The following CACNA1H variants were observed in gnomAD, a reference collection of about 807,000 sequenced individuals.
CACNA1H encodes the protein voltage-dependent T-type calcium channel subunit alpha-1H.
Under a neutral mutation model 192.5 loss-of-function variants are expected in CACNA1H, and 149 were observed. The observed-to-expected ratio is 0.77, with a 90% CI of 0.68 to 0.89. The LOEUF (loss-of-function observed/expected upper bound fraction) is 0.89, where lower values mean the gene tolerates loss of function less well. Ranked by LOEUF, CACNA1H falls within the 40% of genes least tolerant of loss-of-function variation. The pLI is 0.00. For missense variants in CACNA1H, 4,257 were observed against 3,423.5 expected (o/e 1.24, Z -6.08); for synonymous variants, 2,202 against 1,475.2 (o/e 1.49, Z -11.29).
At chr16:1,164,302 C>G (rs753124059) in intron 2 of CACNA1H, among the ~76,000 whole-genome samples, 6 of 152,162 alleles carry the variant, frequency 3.9e-5, no homozygotes, top group Non-Finnish European at 5.9e-5. Context: ...CCCGAAGCCT[C>G]AGATCTGATG....
rs58593315 is a variant in CACNA1H at position 1,201,966 on chromosome 16, C to G, written c.1516C>G (p.Arg506Gly). The change falls in exon 9 of 35, where the codon CGG becomes GGG. Residue 506 changes from arginine to glycine, a missense_variant. Physicochemically the swap from Arg to Gly is moderately radical, Grantham distance 125. Coordinates refer to ENST00000348261, the MANE Select transcript of CACNA1H (RefSeq NM_021098.3). ...QGQGPGHRQR[R>G]AGRHTASVHH... Reference sequence around the variant, plus strand: ...CCAGGGTCCCGGGCACCGCCAGCGCCGGGCAGGCAGGCACACAGCCTCGGT... The same window carrying G: ...CCAGGGTCCCGGGCACCGCCAGCGCGGGGCAGGCAGGCACACAGCCTCGGT... 7.5e-5 allele frequency: 116 copies of G among 1,544,596 alleles called. No homozygotes were observed. In the African/African-American group the frequency reaches 1.5e-3, roughly 20 times the overall value.
Position 1,212,509 on chromosome 16 carries a change from A to G in CACNA1H, c.4760-2A>G, listed in dbSNP as rs1468821137. The G allele has an allele frequency of 3.7e-6, 6 of 1,610,670 alleles. No individual in the cohort carries two copies. The highest frequency in any genetic ancestry group is 4.2e-6 in the Non-Finnish European group (5 of 1,179,028). ...CCTCAGACCATCTCCTTGTCTTTCC[A>G]GGCACTTTCCCCAGCCCAGGTACCG... On this transcript the variant is annotated splice_acceptor_variant, in intron 25 of 34. Coordinates refer to ENST00000348261, the MANE Select transcript of CACNA1H (RefSeq NM_021098.3). LOFTEE classifies it high-confidence loss of function.
Position 1,220,857 on chromosome 16 carries a change from G to C in CACNA1H, c.6925G>C (p.Glu2309Gln). ...AIVPLEPPES[E>Q]PPMPVGDPPE... ...AGTGCCCCTGGAACCCCCAGAATCAGAGCCTCCCATGCCCGTCGGTGACCC... is the reference window on the plus strand; with the variant it reads ...AGTGCCCCTGGAACCCCCAGAATCACAGCCTCCCATGCCCGTCGGTGACCC... The change falls in exon 35 of 35, where the codon GAG becomes CAG. Residue 2309 changes from glutamate to glutamine, a missense_variant. By Grantham distance (29) the Glu-to-Gln change is conservative. Transcript: ENST00000348261. 6.2e-7 allele frequency: 1 copy of C among 1,612,788 alleles called. No individual in the cohort carries two copies. The highest frequency in any genetic ancestry group is 8.5e-7 in the Non-Finnish European group (1 of 1,179,830).
At chr16:1,215,893 G>A (rs908279592) in intron 30 of CACNA1H, among the ~76,000 whole-genome samples, 3 of 152,148 alleles carry the variant, frequency 2.0e-5, no homozygotes, top group African/African-American at 7.2e-5. Flanking sequence ...GGCAGCAGGT[G>A]GCCAAGGTGG....
chr16:1,170,247 A>T lies in CACNA1H; in HGVS notation c.299+16211A>T, dbSNP rs148796483. ...CCCACCCTGTTCCCACTCAGTGCAG[A>T]GCCTTCTTTGTGAGGGGCGGGCCCC... On this transcript the variant is annotated intron_variant, in intron 2 of 34. Coordinates refer to ENST00000348261, the MANE Select transcript of CACNA1H (RefSeq NM_021098.3). 7.3e-3 allele frequency among the ~76,000 whole-genome samples: 1,108 copies of T among 152,182 alleles called. 5 individuals are homozygous for T. The highest frequency in any genetic ancestry group is 0.011 in the Non-Finnish European group (768 of 67,978).
chr16:1,180,088 G>A lies in CACNA1H; in HGVS notation c.300-14884G>A, dbSNP rs1965317631. Among the ~76,000 whole-genome samples, 1 of 152,208 alleles carries A rather than the reference G, an allele frequency of 6.6e-6. No individual in the cohort carries two copies. Among genetic ancestry groups the A allele is most frequent in the African/African-American group, 2.4e-5 (1 of 41,450 alleles). ...TGCCGGGTGATACTGAGGGGGCCGG[G>A]CTCTGCAGGCACAGGGCTGAGGGGC... On this transcript the variant is annotated intron_variant, in intron 2 of 34. Coordinates refer to ENST00000348261, the MANE Select transcript of CACNA1H (RefSeq NM_021098.3). The surrounding 1 kb of genome is among the most constrained non-coding windows in gnomAD (Gnocchi z 4.4).
At chr16:1,193,558 G>A (rs1286538920) in intron 2 of CACNA1H, among the ~76,000 whole-genome samples, 4 of 152,276 alleles carry the variant, frequency 2.6e-5, no homozygotes, top group Admixed American at 6.5e-5. Context: ...CTGTGGCCTT[G>A]CCCACCTATG....
chr16:1,207,717 G>T (rs576894408), intron 14 of CACNA1H, 53 bp from the exon 15 acceptor site: 2 of 1,466,364 alleles, frequency 1.4e-6, no homozygotes, highest in South Asian at 2.4e-5. Context: ...CCGGCATGAA[G>T]GGTCCCCACT....
In CACNA1H at chr16:1,212,022, A is replaced by G. The variant is rs1969507545; in HGVS notation, c.4643A>G (p.Asn1548Ser). The change falls in exon 25 of 35, where the codon AAC becomes AGC. Residue 1548 changes from asparagine (N) to serine (S), a missense_variant. Physicochemically the swap from Asn to Ser is conservative, Grantham distance 46. Coordinates refer to ENST00000348261, the MANE Select transcript of CACNA1H (RefSeq NM_021098.3). Reference sequence around the variant, plus strand: ...CTCATCGTCAGCTTCTTCGTGCTCAACATGTTCGTGGGCGTCGTGGTCGAG... The same window carrying G: ...CTCATCGTCAGCTTCTTCGTGCTCAGCATGTTCGTGGGCGTCGTGGTCGAG... ...FLLIVSFFVL[N>S]MFVGVVVENF... The G allele has an allele frequency of 3.1e-6, 5 of 1,613,478 alleles. No individual in the cohort carries two copies. Among genetic ancestry groups the G allele is most frequent in the South Asian group, 1.1e-5 (1 of 91,076 alleles).
intron 2 of CACNA1H, among the ~76,000 whole-genome samples, chr16:1,190,248 G>A (rs1288778263): frequency 6.6e-6 from 1 of 152,260 alleles, no homozygotes; most frequent in Non-Finnish European, 1.5e-5. Flanking sequence ...CCGACCCGCA[G>A]TGGAAATTGA....
chr16:1,159,117 G>C (rs532211530), intron 2 of CACNA1H, among the ~76,000 whole-genome samples: 1 of 152,250 alleles, frequency 6.6e-6, no homozygotes, highest in Non-Finnish European at 1.5e-5. Flanking sequence ...TTGGGGAGCC[G>C]TGCAGAGTGG....
chr16:1,164,332 T>G (rs1405456551), intron 2 of CACNA1H, among the ~76,000 whole-genome samples: 3 of 152,198 alleles, frequency 2.0e-5, no homozygotes, highest in Admixed American at 2.0e-4. Context: ...CTGTACGTAC[T>G]GTTTTTTCTT....
intron 25 of CACNA1H, 37 bp from the exon 26 acceptor site, chr16:1,212,474 C>CGCCCTCG (rs1567544452): frequency 3.7e-6 from 6 of 1,601,604 alleles, no homozygotes; most frequent in African/African-American, 2.7e-5. Context: ...GAGTGCGCCA[C>CGCCCTCG]GCCCTCGGCC....
Position 1,211,151 on chromosome 16 carries a change from C to T in CACNA1H, c.4224-17C>T, listed in dbSNP as rs565477632. On this transcript the variant is annotated splice_polypyrimidine_tract_variant and intron_variant, in intron 21 of 34. Transcript: ENST00000348261. ...GCTGCCATAGATGACTGCAGTGTAT[C>T]CTTCACTCCCCTCCAGGGTCATCAG... 6.8e-6 allele frequency: 11 copies of T among 1,611,410 alleles called. No homozygotes were observed. The highest frequency in any genetic ancestry group is 4.5e-5 in the East Asian group (2 of 44,838).
chr16:1,165,256 A>ATG (rs1963640485), intron 2 of CACNA1H, among the ~76,000 whole-genome samples: 3 of 152,284 alleles, frequency 2.0e-5, no homozygotes, highest in Middle Eastern at 3.4e-3. Context: ...TAGAAGCCAG[A>ATG]TGTAGCGTCA....
intron 9 of CACNA1H, among the ~76,000 whole-genome samples, chr16:1,202,943 C>T (rs1968161691): frequency 6.6e-6 from 1 of 151,996 alleles, no homozygotes; most frequent in African/African-American, 2.4e-5. Flanking sequence ...GTGGGGTTCT[C>T]CTATGCGGGG....
intron 2 of CACNA1H, among the ~76,000 whole-genome samples, chr16:1,168,584 G>C (rs141914052): frequency 0.018 from 2,801 of 152,122 alleles, 64 homozygotes; most frequent in African/African-American, 0.048. Context: ...GGTCGTGGTG[G>C]GGAGGTTGAT....
At chr16:1,206,848 C>G (rs1038785345) in intron 12 of CACNA1H, 153 bp from the exon 13 acceptor site, 1 of 580,486 alleles carries the variant, frequency 1.7e-6, no homozygotes, top group South Asian at 1.9e-5. Flanking sequence ...CTAGAGAGCT[C>G]GGGCGCCCAG....
At chr16:1,157,560 C>G (rs1158965619) in intron 2 of CACNA1H, 1 of 152,300 alleles carries the variant, frequency 6.6e-6, no homozygotes, top group African/African-American at 2.4e-5. Flanking sequence ...CTGGAAAGGG[C>G]CAGTCCCGCC....
Sources: allele counts gnomAD v4.1 joint callset (sites outside exome capture counted in the v4.1 genomes callset), GRCh38; gene constraint gnomAD v4.1.1; non-coding constraint Gnocchi (gnomAD v3.1); transcripts MANE v1.5; gene names NCBI Gene and HGNC (gene_info 2026-07-23, HGNC 2026-07-21).